Variants in PXDNL observed in about 807,000 individuals in gnomAD.
PXDNL encodes peroxidasin like, also known as probable oxidoreductase PXDNL.
Under a neutral mutation model 150.8 loss-of-function variants are expected in PXDNL, and 145 were observed. The observed-to-expected ratio is 0.96, with a 90% CI of 0.84 to 1.10. The LOEUF is 1.10. PXDNL is among the 50% of genes least tolerant of loss of function. The probability of loss-of-function intolerance (pLI) is 0.00; values close to 1 mark genes in which losing one functional copy is unlikely to be tolerated. For missense variants in PXDNL, 2,087 were observed against 1,873.9 expected, an observed-to-expected ratio of 1.11 and a Z score of -2.10; for synonymous variants, 757 against 725.7, an observed-to-expected ratio of 1.04 and a Z score of -0.69.
At chr8:51,666,472 A>G (rs75719124) in intron 1 of PXDNL, among the ~76,000 whole-genome samples, 5,720 of 152,272 alleles carry the variant, frequency 0.038, 370 homozygotes, top group African/African-American at 0.13. Context: ...ACATGCATAT[A>G]TCCATATACA....
intron 2 of PXDNL, among the ~76,000 whole-genome samples, chr8:51,622,687 C>T (rs1298755002): frequency 6.6e-6 from 1 of 152,212 alleles, no homozygotes; most frequent in African/African-American, 2.4e-5. Flanking sequence ...GAAGCTGGTG[C>T]TCCTACCAAG....
At chr8:51,721,201 C>T (rs532726887) in intron 1 of PXDNL, among the ~76,000 whole-genome samples, 68 of 152,198 alleles carry the variant, frequency 4.5e-4, no homozygotes, top group Admixed American at 1.8e-3. Flanking sequence ...GCACTGAAAA[C>T]GAGCAGAGAC....
At chr8:51,467,715 T>C (rs1241294007) in intron 8 of PXDNL, among the ~76,000 whole-genome samples, 1 of 152,046 alleles carries the variant, frequency 6.6e-6, no homozygotes, top group Non-Finnish European at 1.5e-5. Flanking sequence ...GTCTCAAAGT[T>C]TATAAACTGA....
chr8:51,523,747 C>T lies in PXDNL; in HGVS notation c.381-23977G>A, dbSNP rs144983990. 1.8e-3 allele frequency among the ~76,000 whole-genome samples: 270 copies of T among 152,296 alleles called. 1 individual carries two copies. The highest frequency in any genetic ancestry group is 6.3e-3 in the African/African-American group (260 of 41,570). On this transcript the variant is annotated intron_variant, in intron 4 of 22. Transcript: ENST00000356297. ...TTACTTTAAGGTTGGCAAGCATGAT[C>T]TTCCCCTTTGTACAGGAGGTCCCTC...
chr8:51,325,904 G>A (rs928815798), intron 21 of PXDNL, among the ~76,000 whole-genome samples: 1 of 152,152 alleles, frequency 6.6e-6, no homozygotes, highest in Admixed American at 6.6e-5. Flanking sequence ...CTGTTTGGCT[G>A]GGGTAGAGTG....
chr8:51,489,574 T>G (rs1231776440), intron 5 of PXDNL, among the ~76,000 whole-genome samples: 3 of 152,136 alleles, frequency 2.0e-5, no homozygotes, highest in Non-Finnish European at 4.4e-5. Context: ...CACTTCAGCC[T>G]CTCAAAGTGC....
chr8:51,446,873 T>C (rs890528918), intron 12 of PXDNL, 131 bp downstream of exon 12: 6 of 553,488 alleles, frequency 1.1e-5, no homozygotes, highest in Admixed American at 3.8e-5. Context: ...ATATCAAATT[T>C]GCATTTCTTA....
intron 3 of PXDNL, among the ~76,000 whole-genome samples, chr8:51,580,240 T>G (rs939915746): frequency 6.6e-6 from 1 of 152,070 alleles, no homozygotes; most frequent in Admixed American, 6.6e-5. Flanking sequence ...CTTGACTGTA[T>G]CAATGCCAGT....
At chr8:51,443,366 C>T (rs1809599427) in intron 12 of PXDNL, among the ~76,000 whole-genome samples, 1 of 151,908 alleles carries the variant, frequency 6.6e-6, no homozygotes, top group Non-Finnish European at 1.5e-5. Context: ...TTTCATAATG[C>T]TCTGAAAACA....
At chr8:51,643,322 A>G (rs1814817885) in intron 2 of PXDNL, among the ~76,000 whole-genome samples, 1 of 152,242 alleles carries the variant, frequency 6.6e-6, no homozygotes, top group Non-Finnish European at 1.5e-5. Flanking sequence ...CCAAGACAGC[A>G]TGGTACTGGT....
intron 4 of PXDNL, among the ~76,000 whole-genome samples, chr8:51,501,719 TACTCCCACAC>T (rs1481012515): frequency 6.6e-6 from 1 of 151,900 alleles, no homozygotes; most frequent in African/African-American, 2.4e-5. Context: ...CACACACACA[TACTCCCACAC>T]ACTCACACAC....
intron 6 of PXDNL, among the ~76,000 whole-genome samples, chr8:51,482,617 G>C (rs1810628839): frequency 6.6e-6 from 1 of 152,150 alleles, no homozygotes; most frequent in Non-Finnish European, 1.5e-5. Flanking sequence ...CATGTGTCAA[G>C]GGGACTAAAT....
intron 1 of PXDNL, among the ~76,000 whole-genome samples, chr8:51,699,114 T>C (rs1190484556): frequency 6.6e-6 from 1 of 152,202 alleles, no homozygotes; most frequent in Non-Finnish European, 1.5e-5. Context: ...GGCTTCAACT[T>C]AAAGTCACCA....
chr8:51,550,482 C>T (rs1362668249), intron 4 of PXDNL, among the ~76,000 whole-genome samples: 1 of 152,062 alleles, frequency 6.6e-6, no homozygotes. Flanking sequence ...AGATAATATA[C>T]AATGATCAAG....
At chr8:51,680,071 T>A (rs1409461501) in intron 1 of PXDNL, among the ~76,000 whole-genome samples, 2 of 152,264 alleles carry the variant, frequency 1.3e-5, no homozygotes, top group Non-Finnish European at 2.9e-5. Flanking sequence ...ATTCACTTGA[T>A]CTCTTCATTT....
At chr8:51,578,049 G>GGAAGGAAGGAAGGAAA in intron 3 of PXDNL, among the ~76,000 whole-genome samples, 1 of 86,766 alleles carries the variant, frequency 1.2e-5, no homozygotes, top group Non-Finnish European at 2.2e-5. Flanking sequence ...AAGGAAGGAA[G>GGAAGGAAGGAAGGAAA]GAAAGAAAGA....
intron 1 of PXDNL, among the ~76,000 whole-genome samples, chr8:51,792,937 TG>T (rs1292970085): frequency 6.6e-6 from 1 of 152,180 alleles, no homozygotes; most frequent in Admixed American, 6.5e-5. Flanking sequence ...TCTGGACAAA[TG>T]GGATGTCCCC....
chr8:51,448,810 C>A (rs1809740472), intron 11 of PXDNL, among the ~76,000 whole-genome samples, 192 bp downstream of exon 11: 1 of 152,146 alleles, frequency 6.6e-6, no homozygotes, highest in South Asian at 2.1e-4. Context: ...AGGAAGGCCA[C>A]ACACTCAAAT....
intron 4 of PXDNL, among the ~76,000 whole-genome samples, chr8:51,505,784 C>T (rs1048405208): frequency 6.6e-6 from 1 of 152,226 alleles, no homozygotes; most frequent in African/African-American, 2.4e-5. Context: ...AAGCAGTTTG[C>T]TGACAGCTGG....
Sources: allele counts gnomAD v4.1 joint callset (sites outside exome capture counted in the v4.1 genomes callset), GRCh38; gene constraint gnomAD v4.1.1; transcripts MANE v1.5; gene names NCBI Gene and HGNC (gene_info 2026-07-23, HGNC 2026-07-21).